Variants in MPP7 observed in about 807,000 individuals in gnomAD.
MPP7 encodes MAGUK p55 scaffold protein 7.
A neutral mutation model predicts 76.5 loss-of-function variants in MPP7; 60 were observed. The observed-to-expected ratio is 0.78, with a 90% CI of 0.64 to 0.97. The LOEUF is 0.97. MPP7 is among the 50% of genes least tolerant of loss of function. The pLI is 0.00. For synonymous variants in MPP7, 237 were observed against 244.5 expected, an observed-to-expected ratio of 0.97 and a Z score of 0.29; for missense variants, 641 against 694.0, an observed-to-expected ratio of 0.92 and a Z score of 0.86.
chr10:28,115,072 T>TTTTGTTTGTTTG (rs59333090), intron 11 of MPP7, among the ~76,000 whole-genome samples: 1 of 151,214 alleles, frequency 6.6e-6, no homozygotes, highest in Non-Finnish European at 1.5e-5. Context: ...ACGTTAGGTT[T>TTTTGTTTGTTTG]TTTGTTTGTT....
intron 16 of MPP7, 109 bp from the exon 17 acceptor site, chr10:28,054,353 T>A: frequency 1.6e-6 from 1 of 641,080 alleles, no homozygotes. Flanking sequence ...CTGTGTTCAG[T>A]CTTTCCCCTC....
At chr10:28,059,874 G>T in intron 13 of MPP7, 131 bp from the exon 14 acceptor site, 1 of 651,772 alleles carries the variant, frequency 1.5e-6, no homozygotes, top group South Asian at 1.8e-5. Flanking sequence ...AAGCAAATTA[G>T]CTAATAAAAT....
intron 3 of MPP7, among the ~76,000 whole-genome samples, chr10:28,166,814 G>A (rs538021369): frequency 2.6e-5 from 4 of 152,100 alleles, no homozygotes; most frequent in East Asian, 1.9e-4. Flanking sequence ...AAATGGTATC[G>A]AGCTGTAAGA....
chr10:28,061,854 T>A (rs1157984101), intron 13 of MPP7, among the ~76,000 whole-genome samples: 1 of 151,706 alleles, frequency 6.6e-6, no homozygotes, highest in Non-Finnish European at 1.5e-5. Flanking sequence ...TTATTATAAA[T>A]CATAAAAATA....
At chr10:28,333,842 T>C (rs1232868678) in intron 1 of MPP7, among the ~76,000 whole-genome samples, 3 of 152,058 alleles carry the variant, frequency 2.0e-5, no homozygotes, top group Non-Finnish European at 4.4e-5. Flanking sequence ...AACCCAGATG[T>C]AGATGAAAAA....
At chr10:28,135,089 G>A (rs954625500) in intron 5 of MPP7, among the ~76,000 whole-genome samples, 5 of 152,298 alleles carry the variant, frequency 3.3e-5, no homozygotes, top group Admixed American at 6.5e-5. Flanking sequence ...AGATCACTGA[G>A]AGACAGGAAA....
At chr10:28,106,047 T>C (rs542615565) in intron 11 of MPP7, among the ~76,000 whole-genome samples, 1 of 152,288 alleles carries the variant, frequency 6.6e-6, no homozygotes, top group Middle Eastern at 3.4e-3. Flanking sequence ...TCTTCTATAA[T>C]TGTCTGATGT....
chr10:28,102,300 G>A (rs1008666342), intron 11 of MPP7, among the ~76,000 whole-genome samples: 3 of 152,182 alleles, frequency 2.0e-5, no homozygotes, highest in Admixed American at 6.5e-5. Context: ...GCACCACTGC[G>A]CTTGGATTAT....
At chr10:28,112,396 T>G (rs1303970358) in intron 11 of MPP7, among the ~76,000 whole-genome samples, 1 of 152,088 alleles carries the variant, frequency 6.6e-6, no homozygotes, top group African/African-American at 2.4e-5. Flanking sequence ...ATAAAAGCCA[T>G]ACCACAAAAA....
chr10:28,290,919 T>C (rs1840903008), intron 1 of MPP7, among the ~76,000 whole-genome samples: 1 of 152,224 alleles, frequency 6.6e-6, no homozygotes, highest in South Asian at 2.1e-4. Context: ...AGATATGAAT[T>C]AACAGTACAT....
intron 15 of MPP7, chr10:28,057,686 T>G (rs1170740581): frequency 8.1e-7 from 1 of 1,236,100 alleles, no homozygotes; most frequent in African/African-American, 2.0e-5. Context: ...AACAAGGGAC[T>G]AACACAGTGC....
At chr10:28,310,631 T>C (rs183261776) in intron 2 of MPP7, among the ~76,000 whole-genome samples, 16 of 152,352 alleles carry the variant, frequency 1.1e-4, no homozygotes, top group South Asian at 6.2e-4. Flanking sequence ...TAAAATTACC[T>C]GAAGAGCCTT....
intron 11 of MPP7, among the ~76,000 whole-genome samples, chr10:28,092,633 C>A (rs1253698390): frequency 7.1e-6 from 1 of 140,296 alleles, no homozygotes; most frequent in Non-Finnish European, 1.5e-5. Flanking sequence ...AGTGCAGTGG[C>A]AGGATCTCGG....
chr10:28,105,440 G>C (rs1432917517), intron 11 of MPP7, among the ~76,000 whole-genome samples: 1 of 152,138 alleles, frequency 6.6e-6, no homozygotes, highest in Non-Finnish European at 1.5e-5. Flanking sequence ...AATGAGGAAT[G>C]GTGTGGACTG....
At chr10:28,284,563 A>G (rs1029503828) in intron 1 of MPP7, among the ~76,000 whole-genome samples, 7 of 152,174 alleles carry the variant, frequency 4.6e-5, no homozygotes, top group Non-Finnish European at 8.8e-5. Context: ...TGCCCCCTCT[A>G]CATAATAGGT....
At chr10:28,094,153 GTTC>G (rs1321300003) in intron 11 of MPP7, among the ~76,000 whole-genome samples, 1 of 152,182 alleles carries the variant, frequency 6.6e-6, no homozygotes, top group Non-Finnish European at 1.5e-5. Flanking sequence ...CGCTGCACTT[GTTC>G]ACATCGGTTT....
chr10:28,194,376 C>T lies in MPP7; in HGVS notation c.156+7777G>A, dbSNP rs117624684. Among the ~76,000 whole-genome samples, 833 of 152,088 alleles carry T rather than the reference C, an allele frequency of 5.5e-3. 5 individuals are homozygous for T. Among genetic ancestry groups the T allele is most frequent in the South Asian group, 0.016 (79 of 4,808 alleles). ...AGTAACTGTGCTCCGTGATATTTAT[C>T]CAAATGAGTTGCAAACTTACATCTA... On this transcript the variant is annotated intron_variant, in intron 3 of 16. Coordinates refer to ENST00000683449, the MANE Select transcript of MPP7 (RefSeq NM_001318170.2).
intron 3 of MPP7, among the ~76,000 whole-genome samples, chr10:28,177,734 G>A (rs1836922965): frequency 6.6e-6 from 1 of 152,158 alleles, no homozygotes; most frequent in African/African-American, 2.4e-5. Context: ...GAAGACTAGA[G>A]AGTTCAAAAA....
intron 6 of MPP7, among the ~76,000 whole-genome samples, chr10:28,129,505 T>C (rs1564647099): frequency 1.3e-5 from 2 of 151,854 alleles, no homozygotes; most frequent in South Asian, 4.2e-4. Flanking sequence ...ATAGAATTGC[T>C]TGAATCCAGG....
Sources: gnomAD v4.1 joint callset for allele counts (sites outside exome capture counted in the v4.1 genomes callset) on GRCh38, gnomAD v4.1.1 for gene constraint, MANE v1.5 for transcripts, NCBI Gene and HGNC (gene_info 2026-07-23, HGNC 2026-07-21) for gene names.